Variants in RYR2 observed in about 807,000 individuals in gnomAD.
The protein encoded by RYR2 is ryanodine receptor 2.
RYR2 carries 227 observed loss-of-function variants against 601.1 expected under a neutral mutation model. The observed-to-expected ratio is 0.38, with a 90% CI of 0.34 to 0.42. The LOEUF (loss-of-function observed/expected upper bound fraction) is 0.42, where lower values mean the gene tolerates loss of function less well. Among genes scored for constraint, RYR2 ranks in the 10% least tolerant of loss-of-function variants. The pLI is 1.00. For synonymous variants in RYR2, 2,223 were observed against 2,175.1 expected (o/e 1.02, Z -0.61); for missense variants, 4,646 against 6,156.5 (o/e 0.75, Z 8.21).
chr1:237,695,684 CT>C (rs1687359563), intron 63 of RYR2, among the ~76,000 whole-genome samples: 1 of 152,106 alleles, frequency 6.6e-6, no homozygotes. Context: ...ATTGAAAAGC[CT>C]TACCACATGC....
rs1694375170 is a variant in RYR2 at position 237,772,811 on chromosome 1, T to C, written c.11647-709T>C. ...TTAATGTGGTGGGGGAAGGTGCATTTTGAAGTCAGTACACCAAGAAGTGTT... is the reference window on the plus strand; with the variant it reads ...TTAATGTGGTGGGGGAAGGTGCATTCTGAAGTCAGTACACCAAGAAGTGTT... On this transcript the variant is annotated intron_variant, in intron 86 of 104. Transcript: ENST00000366574. 3.9e-5 allele frequency among the ~76,000 whole-genome samples: 6 copies of C among 152,224 alleles called. No homozygotes were observed. In the South Asian group the frequency reaches 1.2e-3, roughly 32 times the overall value.
At chr1:237,478,598 C>T (rs1349045294) in intron 17 of RYR2, among the ~76,000 whole-genome samples, 2 of 152,178 alleles carry the variant, frequency 1.3e-5, no homozygotes, top group Non-Finnish European at 1.5e-5. Context: ...ATAGCAAAGG[C>T]TGATACAAGT....
At chr1:237,664,919 T>C (rs1472361728) in intron 56 of RYR2, among the ~76,000 whole-genome samples, 3 of 152,212 alleles carry the variant, frequency 2.0e-5, no homozygotes, top group African/African-American at 7.2e-5. Context: ...TACAACTGTA[T>C]GGGAACTATG....
At chr1:237,285,950 A>G (rs929783960) in intron 2 of RYR2, among the ~76,000 whole-genome samples, 1 of 152,074 alleles carries the variant, frequency 6.6e-6, no homozygotes, top group African/African-American at 2.4e-5. Flanking sequence ...TGGTCTATCA[A>G]TTTTAGTTAT....
At chr1:237,269,700 T>C (rs1374321611) in intron 1 of RYR2, among the ~76,000 whole-genome samples, 2 of 152,208 alleles carry the variant, frequency 1.3e-5, no homozygotes, top group Non-Finnish European at 2.9e-5. Context: ...ACTTCGTCAT[T>C]TTAGAAATTC....
At chr1:237,436,762 T>G (rs1020889086) in intron 12 of RYR2, among the ~76,000 whole-genome samples, 1 of 151,344 alleles carries the variant, frequency 6.6e-6, no homozygotes, top group Non-Finnish European at 1.5e-5. Context: ...TGGATAGACA[T>G]ACGGATGATT....
At chr1:237,657,205 G>A (rs1683330702) in intron 53 of RYR2, among the ~76,000 whole-genome samples, 1 of 152,074 alleles carries the variant, frequency 6.6e-6, no homozygotes, top group Non-Finnish European at 1.5e-5. Context: ...TTAAGTATGT[G>A]TATGTCTTAT....
chr1:237,048,598 T>A (rs1434071137), intron 1 of RYR2, among the ~76,000 whole-genome samples: 1 of 152,202 alleles, frequency 6.6e-6, no homozygotes, highest in South Asian at 2.1e-4. Context: ...ATGCTTTTCA[T>A]CCTACACAGA....
intron 25 of RYR2, among the ~76,000 whole-genome samples, chr1:237,543,835 C>T (rs537532693): frequency 8.5e-5 from 13 of 152,096 alleles, no homozygotes; most frequent in Non-Finnish European, 1.8e-4. Flanking sequence ...TCTGGAATAC[C>T]TGCTTAGGAA....
At chr1:237,130,885 C>T (rs1465760284) in intron 1 of RYR2, among the ~76,000 whole-genome samples, 4 of 152,068 alleles carry the variant, frequency 2.6e-5, no homozygotes, top group African/African-American at 9.7e-5. Flanking sequence ...AATAGCCCAG[C>T]TGTTCCCTGG....
At chr1:237,406,196 TTCCCTCCCCTCCC>T (rs1703870688) in intron 10 of RYR2, among the ~76,000 whole-genome samples, 2 of 55,968 alleles carry the variant, frequency 3.6e-5, no homozygotes, top group African/African-American at 2.1e-4. Flanking sequence ...TCCCCTTCCC[TTCCCTCCCCTCCC>T]TTCCCCTCCC....
intron 45 of RYR2, 95 bp from the exon 46 acceptor site, chr1:237,638,920 A>T: frequency 7.2e-7 from 1 of 1,392,576 alleles, no homozygotes. Flanking sequence ...GGTTTTAGTT[A>T]TTCTTATACA....
At chr1:237,547,265 C>T (rs1385853123) in intron 25 of RYR2, among the ~76,000 whole-genome samples, 1 of 152,014 alleles carries the variant, frequency 6.6e-6, no homozygotes, top group African/African-American at 2.4e-5. Context: ...GTTGGCCTCC[C>T]AAAGTGCTGG....
At chr1:237,143,084 G>A (rs886516285) in intron 1 of RYR2, among the ~76,000 whole-genome samples, 10 of 152,176 alleles carry the variant, frequency 6.6e-5, no homozygotes, top group African/African-American at 2.4e-4. Context: ...AACCCTTAAG[G>A]TCCCTAACCA....
chr1:237,458,568 T>A (rs1572416795), intron 16 of RYR2, among the ~76,000 whole-genome samples: 2 of 152,180 alleles, frequency 1.3e-5, no homozygotes, highest in South Asian at 4.1e-4. Context: ...TAGTTATAAG[T>A]GTGATTGATT....
chr1:237,162,635 TAGG>T, intron 1 of RYR2, among the ~76,000 whole-genome samples: 1 of 152,232 alleles, frequency 6.6e-6, no homozygotes, highest in East Asian at 1.9e-4. Flanking sequence ...AATATGATTA[TAGG>T]AGATCAGAAT....
At chr1:237,747,142 A>G (rs1421296046) in intron 80 of RYR2, among the ~76,000 whole-genome samples, 1 of 152,210 alleles carries the variant, frequency 6.6e-6, no homozygotes. Flanking sequence ...ATCTAAATTA[A>G]TGACAGTGAA....
intron 101 of RYR2, among the ~76,000 whole-genome samples, chr1:237,827,666 T>C (rs867944265): frequency 3.1e-4 from 45 of 143,930 alleles, no homozygotes; most frequent in African/African-American, 7.0e-4. Context: ...TGACTGGGCA[T>C]GGTGGCTCAC....
At chr1:237,752,495 C>G (rs757918980) in intron 80 of RYR2, among the ~76,000 whole-genome samples, 20 of 151,610 alleles carry the variant, frequency 1.3e-4, no homozygotes, top group Non-Finnish European at 2.5e-4. Flanking sequence ...AGGAACCACT[C>G]GTTTTAAACA....
Sources: allele counts gnomAD v4.1 joint callset (sites outside exome capture counted in the v4.1 genomes callset), GRCh38; gene constraint gnomAD v4.1.1; transcripts MANE v1.5; gene names NCBI Gene and HGNC (gene_info 2026-07-23, HGNC 2026-07-21).